FOXP1: variants seen among roughly 807,000 people sequenced by gnomAD.
FOXP1 encodes forkhead box P1, also known as forkhead box protein P1.
FOXP1 carries 15 observed loss-of-function variants against 98.2 expected under a neutral mutation model. The ratio of observed to expected loss-of-function variants is 0.15; its 90% CI spans 0.10 to 0.24. The LOEUF (loss-of-function observed/expected upper bound fraction) is 0.24, where lower values mean the gene tolerates loss of function less well. Among genes scored for constraint, FOXP1 ranks in the 10% least tolerant of loss-of-function variants. The probability of loss-of-function intolerance (pLI) is 1.00; values close to 1 mark genes in which losing one functional copy is unlikely to be tolerated. For missense variants in FOXP1, 633 were observed against 848.5 expected, an observed-to-expected ratio of 0.75 and a Z score of 3.15; for synonymous variants, 371 against 314.5, an observed-to-expected ratio of 1.18 and a Z score of -1.90.
At chr3:71,562,572 G>C (rs1303099700) in intron 2 of FOXP1, among the ~76,000 whole-genome samples, 1 of 152,122 alleles carries the variant, frequency 6.6e-6, no homozygotes, top group Non-Finnish European at 1.5e-5. Context: ...GAGGGCTTAG[G>C]ATATGACAGA....
chr3:71,003,636 C>T (rs540964888), intron 12 of FOXP1, among the ~76,000 whole-genome samples: 5 of 152,158 alleles, frequency 3.3e-5, no homozygotes, highest in Admixed American at 6.5e-5. Flanking sequence ...AAGTAGCTTG[C>T]CGGCAGACAA....
At chr3:71,492,489 A>ATTTTTTTT (rs2091135149) in intron 3 of FOXP1, among the ~76,000 whole-genome samples, 1 of 151,928 alleles carries the variant, frequency 6.6e-6, no homozygotes, top group South Asian at 2.1e-4. Flanking sequence ...AGAGAGCCTA[A>ATTTTTTTT]TTTGCCCCAT....
At chr3:71,391,938 G>C (rs1361950337) in intron 3 of FOXP1, among the ~76,000 whole-genome samples, 3 of 152,134 alleles carry the variant, frequency 2.0e-5, no homozygotes, top group Non-Finnish European at 2.9e-5. Context: ...GGTAAAGCAG[G>C]AAAGACAGCT....
intron 2 of FOXP1, among the ~76,000 whole-genome samples, chr3:71,570,085 C>A (rs954252321): frequency 2.0e-5 from 3 of 152,124 alleles, no homozygotes; most frequent in Admixed American, 6.5e-5. Flanking sequence ...TGGCTCAGCT[C>A]TGACTGTACC....
At chr3:71,450,499 G>A (rs971816310) in intron 3 of FOXP1, among the ~76,000 whole-genome samples, 1 of 152,178 alleles carries the variant, frequency 6.6e-6, no homozygotes, top group Admixed American at 6.5e-5. Flanking sequence ...GCATTACCAA[G>A]CTACGAAATA....
intron 5 of FOXP1, among the ~76,000 whole-genome samples, chr3:71,251,288 G>A (rs889760691): frequency 6.6e-6 from 1 of 152,176 alleles, no homozygotes. Flanking sequence ...ATTTGGAAAC[G>A]AGAGTAACAC....
In FOXP1 at chr3:71,271,653, T is replaced by C. The variant is rs113587335; in HGVS notation, c.-12+28167A>G. 1.9e-3 allele frequency among the ~76,000 whole-genome samples: 284 copies of C among 152,338 alleles called. 2 individuals are homozygous for C. The highest frequency in any genetic ancestry group is 6.5e-3 in the African/African-American group (272 of 41,572). On this transcript the variant is annotated intron_variant, in intron 5 of 20. Coordinates refer to ENST00000649528, the MANE Select transcript of FOXP1 (RefSeq NM_001349338.3). ...TCTACTGACGGATCACTGGTACATA[T>C]GATTATCTCTGGGGCTATGTTCCAC...
At chr3:71,289,060 A>G (rs144675237) in intron 5 of FOXP1, among the ~76,000 whole-genome samples, 1,705 of 130,728 alleles carry the variant, frequency 0.013, 35 homozygotes, top group African/African-American at 0.041. Context: ...TTTGAGATGG[A>G]GTCTCTCTCT....
intron 5 of FOXP1, among the ~76,000 whole-genome samples, chr3:71,295,336 T>G (rs936058020): frequency 9.9e-5 from 15 of 152,214 alleles, no homozygotes; most frequent in Non-Finnish European, 2.1e-4. Context: ...ACATATACAC[T>G]TTTAAAGGAA....
chr3:71,296,054 G>A (rs1300705079), intron 5 of FOXP1: 1 of 152,170 alleles, frequency 6.6e-6, no homozygotes, highest in Non-Finnish European at 1.5e-5. Flanking sequence ...TCACTCCCGA[G>A]TATGATGACT....
At chr3:71,013,323 A>T (rs1228690214) in intron 12 of FOXP1, among the ~76,000 whole-genome samples, 1 of 152,186 alleles carries the variant, frequency 6.6e-6, no homozygotes. Context: ...ATTGTATAAC[A>T]AAGAATGGGT....
intron 3 of FOXP1, among the ~76,000 whole-genome samples, chr3:71,397,099 T>TATATGTGTATATATATATACAC (rs2081576829): frequency 5.4e-5 from 3 of 55,854 alleles, no homozygotes; most frequent in Admixed American, 1.8e-4. Flanking sequence ...TATATATATA[T>TATATGTGTATATATATATACAC]ACATATATAT....
intron 3 of FOXP1, among the ~76,000 whole-genome samples, chr3:71,465,735 G>A (rs1312636054): frequency 6.6e-6 from 1 of 152,146 alleles, no homozygotes; most frequent in Non-Finnish European, 1.5e-5. Flanking sequence ...TTAACCCCCA[G>A]GCCACAGACA....
At chr3:71,045,914 C>T (rs1393927591) in intron 10 of FOXP1, among the ~76,000 whole-genome samples, 1 of 152,202 alleles carries the variant, frequency 6.6e-6, no homozygotes, top group African/African-American at 2.4e-5. Flanking sequence ...CTTTAGCTAT[C>T]AGCCTTTAAG....
chr3:71,313,818 C>A (rs527385221), intron 4 of FOXP1, among the ~76,000 whole-genome samples: 2 of 152,180 alleles, frequency 1.3e-5, no homozygotes, highest in African/African-American at 4.8e-5. Context: ...AGCCACCGTG[C>A]CCGGTCGAGT....
Position 71,164,565 on chromosome 3 carries a change from C to T in FOXP1, c.180+33637G>A, listed in dbSNP as rs974304906. On this transcript the variant is annotated intron_variant, in intron 6 of 20. Transcript: ENST00000649528. ...AAAGGAGAAAACACATTGCTAGAAA[C>T]AGTGAATGGAATTTGAACAGAAACT... Among the ~76,000 whole-genome samples, 3 of 152,314 alleles carry T rather than the reference C, an allele frequency of 2.0e-5. No homozygotes were observed. In the Middle Eastern group the frequency reaches 0.01, roughly 518 times the overall value.
intron 6 of FOXP1, among the ~76,000 whole-genome samples, chr3:71,175,227 A>G (rs987892773): frequency 6.6e-6 from 1 of 152,150 alleles, no homozygotes; most frequent in Non-Finnish European, 1.5e-5. Context: ...TGGACTTTCA[A>G]AGTAGCTTGA....
At chr3:71,146,474 G>C (rs972682357) in intron 6 of FOXP1, among the ~76,000 whole-genome samples, 1 of 151,786 alleles carries the variant, frequency 6.6e-6, no homozygotes, top group Non-Finnish European at 1.5e-5. Flanking sequence ...GGGAAGTTAA[G>C]GGGGAAGAAT....
At chr3:71,127,518 C>T (rs1229154359) in intron 6 of FOXP1, among the ~76,000 whole-genome samples, 1 of 152,182 alleles carries the variant, frequency 6.6e-6, no homozygotes, top group African/African-American at 2.4e-5. Context: ...CCTCCTCCCT[C>T]CCCCAACCAT....
Sources: allele counts gnomAD v4.1 joint callset (sites outside exome capture counted in the v4.1 genomes callset), GRCh38; gene constraint gnomAD v4.1.1; transcripts MANE v1.5; gene names NCBI Gene and HGNC (gene_info 2026-07-23, HGNC 2026-07-21).